Variants in PPP1R21 observed in about 807,000 individuals in gnomAD.
PPP1R21 encodes protein phosphatase 1 regulatory subunit 21.
In PPP1R21, 85 loss-of-function variants were observed where a neutral mutation model predicts 112.8. The ratio of observed to expected loss-of-function variants is 0.75; its 90% confidence interval spans 0.63 to 0.90. The LOEUF is 0.90. Among genes scored for constraint, PPP1R21 ranks in the 40% least tolerant of loss-of-function variants. The pLI is 0.00. For synonymous variants in PPP1R21, 381 were observed against 322.3 expected (o/e 1.18, Z -1.95); for missense variants, 1,199 against 901.5 (o/e 1.33, Z -4.23).
At chr2:48,443,953 CAG>C (rs909960925) in intron 1 of PPP1R21, among the ~76,000 whole-genome samples, 4 of 152,128 alleles carry the variant, frequency 2.6e-5, no homozygotes, top group African/African-American at 9.7e-5. Context: ...AGGACATTGG[CAG>C]AGTCTTCTCA....
chr2:48,500,089 T>A (rs1475902813), intron 17 of PPP1R21, among the ~76,000 whole-genome samples: 1 of 152,208 alleles, frequency 6.6e-6, no homozygotes, highest in South Asian at 2.1e-4. Flanking sequence ...TTCCACCTCA[T>A]TCAGAGCATA....
At chr2:48,506,772 C>T (rs1309417598) in intron 18 of PPP1R21, among the ~76,000 whole-genome samples, 6 of 151,980 alleles carry the variant, frequency 3.9e-5, no homozygotes, top group East Asian at 1.9e-4. Flanking sequence ...GGTGAAACCC[C>T]GTCTCTACTA....
At chr2:48,502,698 T>TTTG (rs1670176421) in intron 17 of PPP1R21, among the ~76,000 whole-genome samples, 1 of 146,868 alleles carries the variant, frequency 6.8e-6, no homozygotes, top group African/African-American at 2.6e-5. Context: ...TTTTTTTTTT[T>TTTG]GAGACGGAGT....
chr2:48,477,775 T>A (rs1386506423), intron 12 of PPP1R21, among the ~76,000 whole-genome samples: 1 of 152,106 alleles, frequency 6.6e-6, no homozygotes, highest in Non-Finnish European at 1.5e-5. Context: ...CAGTTGGGAT[T>A]CTGATAGGGA....
chr2:48,501,836 A>G (rs1670130456), intron 17 of PPP1R21: 2 of 152,020 alleles, frequency 1.3e-5, no homozygotes, highest in African/African-American at 2.4e-5. Context: ...TAAACATCAG[A>G]TAAACTCATT....
intron 14 of PPP1R21, among the ~76,000 whole-genome samples, chr2:48,487,402 C>A (rs957127230): frequency 2.0e-5 from 3 of 152,106 alleles, no homozygotes; most frequent in African/African-American, 7.2e-5. Context: ...AATAGTAGGT[C>A]ATGATCGTCT....
At chr2:48,452,943 A>G (rs1667544128) in intron 2 of PPP1R21, among the ~76,000 whole-genome samples, 1 of 150,692 alleles carries the variant, frequency 6.6e-6, no homozygotes, top group South Asian at 2.1e-4. Context: ...ATGGCTTTTA[A>G]GTTGCTGTTC....
At position 48,480,035 on chromosome 2, in the gene PPP1R21, C is replaced by T. The variant is rs193203214; in HGVS notation, c.1318+19C>T. The T allele has an allele frequency of 5.3e-4, 819 of 1,532,466 alleles. 1 individual carries two copies. The highest frequency in any genetic ancestry group is 1.3e-3 in the South Asian group (118 of 89,486). The allele number at this position is 1,532,466 out of a possible 1,614,324, so 94.9% of individuals were successfully genotyped here. On this transcript the variant is annotated intron_variant, in intron 13 of 21. Transcript: ENST00000294952. ...ATGAAAGGTAGGCCTTGAAAAAGAA[C>T]GTAAGCTTAAAACCTTTGCCCCACT... is the stretch of plus-strand genomic sequence containing the variant.
intron 4 of PPP1R21, among the ~76,000 whole-genome samples, chr2:48,458,626 G>A (rs1268950926): frequency 8.5e-6 from 1 of 117,708 alleles, no homozygotes; most frequent in African/African-American, 3.2e-5. Context: ...ATTTACTGAT[G>A]TTTAGTTGGT....
intron 17 of PPP1R21, among the ~76,000 whole-genome samples, chr2:48,501,228 C>T (rs949392397): frequency 6.6e-6 from 1 of 152,224 alleles, no homozygotes; most frequent in Non-Finnish European, 1.5e-5. Context: ...CCCCCACTCC[C>T]TTGCCTTTAG....
At chr2:48,511,852 CAGAGTG>C (rs1222788446) in intron 21 of PPP1R21, among the ~76,000 whole-genome samples, 1 of 151,834 alleles carries the variant, frequency 6.6e-6, no homozygotes, top group Non-Finnish European at 1.5e-5. Flanking sequence ...GCCTGTGCGA[CAGAGTG>C]AGACTCTGTC....
intron 3 of PPP1R21, 112 bp from the exon 4 acceptor site, chr2:48,458,014 A>G (rs757253130): frequency 4.4e-5 from 33 of 745,554 alleles, no homozygotes; most frequent in Non-Finnish European, 7.8e-5. Flanking sequence ...TTGTTTGAGA[A>G]TGGTGAACAC....
intron 16 of PPP1R21, among the ~76,000 whole-genome samples, chr2:48,496,215 G>T (rs1293476730): frequency 6.7e-6 from 1 of 148,774 alleles, no homozygotes. Context: ...AGAAAAAAAG[G>T]AAAAAAAAAA....
In PPP1R21 at chr2:48,478,610, T is replaced by G. The variant is rs553891918; in HGVS notation, c.1226-1314T>G. On this transcript the variant is annotated intron_variant, in intron 12 of 21. Transcript: ENST00000294952. ...CAGAGAATCAATTCAGTTTGGGCTCTTTTACGGGTATAGTTATAGACCTAG... is the reference window on the plus strand; with the variant it reads ...CAGAGAATCAATTCAGTTTGGGCTCGTTTACGGGTATAGTTATAGACCTAG... Among the ~76,000 whole-genome samples the G allele has an allele frequency of 2.0e-5, 3 of 152,296 alleles. No individual in the cohort carries two copies. The East Asian group carries it at 5.8e-4, about 29-fold the overall frequency.
intron 7 of PPP1R21, among the ~76,000 whole-genome samples, chr2:48,463,470 G>A (rs545990052): frequency 6.6e-6 from 1 of 152,266 alleles, no homozygotes; most frequent in South Asian, 2.1e-4. Context: ...ACACTAGATT[G>A]CCAGCACAGG....
At chr2:48,453,127 T>C (rs1340472349) in intron 2 of PPP1R21, among the ~76,000 whole-genome samples, 1 of 152,114 alleles carries the variant, frequency 6.6e-6, no homozygotes, top group Non-Finnish European at 1.5e-5. Flanking sequence ...CTAATTTTTG[T>C]ATTTTTAGTA....
At chr2:48,493,092 G>A (rs1379437664) in intron 15 of PPP1R21, among the ~76,000 whole-genome samples, 12 of 131,852 alleles carry the variant, frequency 9.1e-5, no homozygotes, top group South Asian at 7.9e-4. Flanking sequence ...TCTCGGCTCC[G>A]CCTCCCGGGT....
chr2:48,461,339 C>A, intron 7 of PPP1R21, 107 bp downstream of exon 7: 1 of 1,340,350 alleles, frequency 7.5e-7, no homozygotes, highest in Non-Finnish European at 9.6e-7. Flanking sequence ...TTAATTGGCC[C>A]CACAGAAGAT....
intron 9 of PPP1R21, among the ~76,000 whole-genome samples, chr2:48,468,489 T>C (rs1318561997): frequency 1.3e-5 from 2 of 152,232 alleles, no homozygotes; most frequent in Non-Finnish European, 2.9e-5. Flanking sequence ...AATGTAGTTA[T>C]GCTTTCTTTT....
Sources: gnomAD v4.1 joint callset for allele counts (sites outside exome capture counted in the v4.1 genomes callset) on GRCh38, gnomAD v4.1.1 for gene constraint, MANE v1.5 for transcripts, NCBI Gene and HGNC (gene_info 2026-07-23, HGNC 2026-07-21) for gene names.